Variants in PDE1C observed in about 807,000 individuals in gnomAD.
PDE1C encodes phosphodiesterase 1C, also known as dual specificity calcium/calmodulin-dependent 3',5'-cyclic nucleotide phosphodiesterase 1C.
Under a neutral mutation model 93.1 loss-of-function variants are expected in PDE1C, and 62 were observed. The observed-to-expected ratio is 0.67, with a 90% confidence interval of 0.54 to 0.82. The LOEUF (loss-of-function observed/expected upper bound fraction) is 0.82. PDE1C is among the 40% of genes least tolerant of loss of function. The pLI is 0.00. For synonymous variants in PDE1C, 325 were observed against 310.1 expected (o/e 1.05, Z -0.50); for missense variants, 742 against 884.6 (o/e 0.84, Z 2.04).
intron 6 of PDE1C, among the ~76,000 whole-genome samples, chr7:31,865,784 T>G (rs1324584340): frequency 1.3e-5 from 2 of 152,230 alleles, no homozygotes; most frequent in African/African-American, 4.8e-5. Flanking sequence ...GTGTCCAATG[T>G]ATATAACCAC....
chr7:31,656,577 G>A, the PDE1C span: 2 of 671,374 alleles, frequency 3.0e-6, no homozygotes, highest in Non-Finnish European at 3.7e-6. Context: ...CCTACCGCTT[G>A]ATGAATGAAT....
At chr7:32,408,626 T>G (rs1223975039) in intron 1 of PDE1C, among the ~76,000 whole-genome samples, 1 of 151,924 alleles carries the variant, frequency 6.6e-6, no homozygotes, top group African/African-American at 2.4e-5. Flanking sequence ...CCATCTCTAC[T>G]AAAAATACAA....
the PDE1C span, among the ~76,000 whole-genome samples, chr7:31,621,373 T>G: frequency 5.8e-5 from 1 of 17,166 alleles, no homozygotes; most frequent in Non-Finnish European, 1.1e-4. Context: ...TCGGGTTACC[T>G]CAAAGGGAAG....
chr7:32,083,947 C>T (rs902759471), intron 3 of PDE1C, among the ~76,000 whole-genome samples: 6 of 149,942 alleles, frequency 4.0e-5, no homozygotes, highest in African/African-American at 9.8e-5. Context: ...CATCAACTAA[C>T]GAGCAAAATA....
chr7:31,808,995 T>C (rs762017403), intron 16 of PDE1C, 36 bp downstream of exon 16: 199 of 1,263,544 alleles, frequency 1.6e-4, no homozygotes, highest in Non-Finnish European at 2.1e-4. Context: ...AAACTGCACA[T>C]TTTATGGAAA....
intron 1 of PDE1C, among the ~76,000 whole-genome samples, chr7:32,304,818 A>G (rs1030435045): frequency 6.6e-6 from 1 of 152,172 alleles, no homozygotes; most frequent in East Asian, 1.9e-4. Flanking sequence ...AACCCATAGT[A>G]AACATTCAAT....
At chr7:31,770,937 T>C (rs1562765100) in intron 17 of PDE1C, among the ~76,000 whole-genome samples, 2 of 152,280 alleles carry the variant, frequency 1.3e-5, no homozygotes, top group Non-Finnish European at 2.9e-5. Context: ...CTTGAACTTA[T>C]ACTATCAACT....
chr7:31,807,023 C>T (rs1036432129), intron 16 of PDE1C, among the ~76,000 whole-genome samples: 9 of 151,912 alleles, frequency 5.9e-5, no homozygotes, highest in South Asian at 2.1e-4. Context: ...TTGCTTTCCA[C>T]TTCCTGCCAC....
At chr7:32,414,423 G>A (rs1785231880) in intron 1 of PDE1C, among the ~76,000 whole-genome samples, 1 of 152,110 alleles carries the variant, frequency 6.6e-6, no homozygotes, top group Non-Finnish European at 1.5e-5. Context: ...TACAGTATGT[G>A]TATATGTGCC....
chr7:31,665,174 C>T, the PDE1C span, among the ~76,000 whole-genome samples: 1 of 152,100 alleles, frequency 6.6e-6, no homozygotes, highest in East Asian at 1.9e-4. Flanking sequence ...GGGCTTTTCC[C>T]TCTTTGCATT....
intron 1 of PDE1C, among the ~76,000 whole-genome samples, chr7:32,249,109 G>A (rs560868509): frequency 6.6e-6 from 1 of 152,046 alleles, no homozygotes; most frequent in South Asian, 2.1e-4. Context: ...TGGCCTTGGG[G>A]GCATAACAAG....
chr7:32,177,273 G>C (rs924160652), intron 2 of PDE1C, among the ~76,000 whole-genome samples: 1 of 152,156 alleles, frequency 6.6e-6, no homozygotes, highest in Non-Finnish European at 1.5e-5. Context: ...AGGCAGGAGA[G>C]GAGAACACGG....
chr7:31,639,813 G>C, the PDE1C span, among the ~76,000 whole-genome samples: 1 of 152,060 alleles, frequency 6.6e-6, no homozygotes, highest in Admixed American at 6.5e-5. Context: ...TGGGATTACA[G>C]GTGTGAGCCA....
chr7:32,295,088 A>G (rs1299250664), intron 1 of PDE1C, among the ~76,000 whole-genome samples: 1 of 152,232 alleles, frequency 6.6e-6, no homozygotes, highest in East Asian at 1.9e-4. Context: ...GAGGGAGCCC[A>G]GTGAGGCAGA....
intron 2 of PDE1C, among the ~76,000 whole-genome samples, chr7:31,919,481 T>C (rs1352872539): frequency 6.6e-6 from 1 of 151,998 alleles, no homozygotes; most frequent in Non-Finnish European, 1.5e-5. Flanking sequence ...ACTACACAAG[T>C]ATTGAGAAAG....
At chr7:31,880,369 A>G (rs1797091308) in intron 3 of PDE1C, among the ~76,000 whole-genome samples, 1 of 152,226 alleles carries the variant, frequency 6.6e-6, no homozygotes, top group South Asian at 2.1e-4. Context: ...TCCATTTACT[A>G]ATGGACATTA....
chr7:31,831,871 A>G lies in PDE1C; in HGVS notation c.1204-3498T>C, dbSNP rs115682415. Reference sequence around the variant, plus strand: ...TATACCATCAGCAGCAGAAGCAGGAATAAAGAACTTCAAACAAACAACAGA... The same window carrying G: ...TATACCATCAGCAGCAGAAGCAGGAGTAAAGAACTTCAAACAAACAACAGA... On this transcript the variant is annotated intron_variant, in intron 11 of 17. Transcript: ENST00000396191. Among the ~76,000 whole-genome samples the G allele has an allele frequency of 9.2e-4, 140 of 152,264 alleles. 1 individual carries two copies. Among genetic ancestry groups the G allele is most frequent in the African/African-American group, 3.2e-3 (132 of 41,566 alleles).
At chr7:31,697,226 G>A in the PDE1C span, 1,021 of 1,400,644 alleles carry the variant, frequency 7.3e-4, 5 homozygotes, top group African/African-American at 0.012. Context: ...AGCAAGCTGC[G>A]TTGTCCTGAA....
At chr7:32,397,823 G>A (rs2128094583) in intron 1 of PDE1C, among the ~76,000 whole-genome samples, 1 of 151,654 alleles carries the variant, frequency 6.6e-6, no homozygotes, top group Non-Finnish European at 1.5e-5. Flanking sequence ...GACTAGTCTG[G>A]CCAACATGGT....
Sources: allele counts gnomAD v4.1 joint callset (sites outside exome capture counted in the v4.1 genomes callset), GRCh38; gene constraint gnomAD v4.1.1; transcripts MANE v1.5; gene names NCBI Gene and HGNC (gene_info 2026-07-23, HGNC 2026-07-21).